The following MMP16 variants were observed in gnomAD, a reference collection of about 807,000 sequenced individuals.
MMP16 encodes the protein matrix metalloproteinase-16.
Under a neutral mutation model 67.8 loss-of-function variants are expected in MMP16, and 12 were observed. That is an observed-to-expected ratio of 0.18 (90% CI 0.11 to 0.29). MMP16 has a LOEUF of 0.29. Among genes scored for constraint, MMP16 ranks in the 10% least tolerant of loss-of-function variants. The probability of loss-of-function intolerance (pLI) is 1.00; values close to 1 mark genes in which losing one functional copy is unlikely to be tolerated. For synonymous variants in MMP16, 249 were observed against 255.9 expected (o/e 0.97, Z 0.26); for missense variants, 475 against 765.7 (o/e 0.62, Z 4.48).
intron 1 of MMP16, among the ~76,000 whole-genome samples, chr8:88,304,626 G>T (rs2130051452): frequency 6.6e-6 from 1 of 152,330 alleles, no homozygotes; most frequent in East Asian, 1.9e-4. Flanking sequence ...AGGCAGAAGA[G>T]ATTGGGGGCC....
chr8:88,200,246 T>TGATA (rs1325030880), intron 1 of MMP16, among the ~76,000 whole-genome samples: 3 of 152,112 alleles, frequency 2.0e-5, no homozygotes, highest in Middle Eastern at 6.8e-3. Context: ...AAGGAAGGTG[T>TGATA]GATACATTTG....
At chr8:88,294,279 C>T (rs1351703866) in intron 1 of MMP16, among the ~76,000 whole-genome samples, 1 of 144,336 alleles carries the variant, frequency 6.9e-6, no homozygotes, top group Non-Finnish European at 1.5e-5. Context: ...TCTATATATA[C>T]ACACACACAT....
At chr8:88,247,057 A>C (rs2129914365) in intron 1 of MMP16, among the ~76,000 whole-genome samples, 1 of 152,264 alleles carries the variant, frequency 6.6e-6, no homozygotes, top group African/African-American at 2.4e-5. Flanking sequence ...TTAGGAAATA[A>C]GAATAACTAA....
At chr8:88,235,977 C>T (rs540397660) in intron 1 of MMP16, among the ~76,000 whole-genome samples, 3 of 152,136 alleles carry the variant, frequency 2.0e-5, no homozygotes, top group African/African-American at 7.2e-5. Context: ...GAACATAACT[C>T]CCAGCACACA....
At chr8:88,112,837 G>T (rs1235892441) in intron 6 of MMP16, among the ~76,000 whole-genome samples, 1 of 151,880 alleles carries the variant, frequency 6.6e-6, no homozygotes. Flanking sequence ...TACGCTGAAA[G>T]TCCTATTATA....
intron 4 of MMP16, among the ~76,000 whole-genome samples, chr8:88,132,362 A>G (rs1351994013): frequency 1.3e-5 from 2 of 151,906 alleles, no homozygotes. Flanking sequence ...AAAGTCAGTG[A>G]TAGTCTTACA....
intron 1 of MMP16, among the ~76,000 whole-genome samples, chr8:88,210,727 G>C (rs963075691): frequency 8.5e-5 from 13 of 152,124 alleles, no homozygotes; most frequent in Non-Finnish European, 1.5e-4. Context: ...TGTTGGGCAA[G>C]CACTTAGAGG....
In MMP16 at chr8:88,185,350, T is replaced by A. The variant is rs552354660; in HGVS notation, c.404+1126A>T. Among the ~76,000 whole-genome samples the A allele has an allele frequency of 5.9e-5, 9 of 152,160 alleles. No homozygotes were observed. In the South Asian group the frequency reaches 1.9e-3, roughly 32 times the overall value. On this transcript the variant is annotated intron_variant, in intron 3 of 9. Transcript: ENST00000286614. The stretch of plus-strand genomic sequence containing the variant: ...GGTGCATGCCTGTAATCTCAGCTAC[T>A]TGGGAGGCTAAGGCAGGAGAATTGC...
At chr8:88,316,519 A>G (rs1387392869) in intron 1 of MMP16, among the ~76,000 whole-genome samples, 1 of 152,200 alleles carries the variant, frequency 6.6e-6, no homozygotes, top group Non-Finnish European at 1.5e-5. Flanking sequence ...ATGACAGCAT[A>G]TCTTTTTACA....
chr8:88,160,101 C>T (rs1808589978), intron 4 of MMP16, among the ~76,000 whole-genome samples: 1 of 151,900 alleles, frequency 6.6e-6, no homozygotes, highest in Admixed American at 6.6e-5. Flanking sequence ...AGGTATATCT[C>T]CTAATGCTAT....
At chr8:88,180,353 CA>C (rs1808960696) in intron 3 of MMP16, among the ~76,000 whole-genome samples, 2 of 148,640 alleles carry the variant, frequency 1.3e-5, no homozygotes, top group South Asian at 4.3e-4. Flanking sequence ...CAAAATTTAA[CA>C]AAAACAGAAA....
intron 1 of MMP16, among the ~76,000 whole-genome samples, chr8:88,229,958 C>G (rs559100152): frequency 6.6e-6 from 1 of 152,072 alleles, no homozygotes; most frequent in African/African-American, 2.4e-5. Flanking sequence ...TGCGTCTTTC[C>G]TCCATGTATA....
intron 1 of MMP16, among the ~76,000 whole-genome samples, chr8:88,316,855 C>G (rs895630345): frequency 6.6e-6 from 1 of 152,114 alleles, no homozygotes; most frequent in African/African-American, 2.4e-5. Flanking sequence ...CTAGATGCCA[C>G]TAAGCATCCT....
At chr8:88,093,740 T>G (rs1342628493) in intron 6 of MMP16, among the ~76,000 whole-genome samples, 2 of 151,896 alleles carry the variant, frequency 1.3e-5, no homozygotes, top group African/African-American at 4.8e-5. Flanking sequence ...ATTTTAGGCT[T>G]TACTTAGGTA....
intron 1 of MMP16, among the ~76,000 whole-genome samples, chr8:88,308,132 A>C (rs1811238896): frequency 6.6e-6 from 1 of 152,132 alleles, no homozygotes; most frequent in Non-Finnish European, 1.5e-5. Flanking sequence ...CATTGAAAAC[A>C]TCATAAATGC....
chr8:88,127,357 A>G (rs532762156), intron 4 of MMP16, among the ~76,000 whole-genome samples: 1 of 152,024 alleles, frequency 6.6e-6, no homozygotes, highest in African/African-American at 2.4e-5. Context: ...TGGCAAAGAA[A>G]GCAGTTAGAA....
intron 2 of MMP16, among the ~76,000 whole-genome samples, chr8:88,192,191 C>T (rs1379025252): frequency 2.6e-5 from 4 of 152,000 alleles, no homozygotes; most frequent in African/African-American, 4.8e-5. Context: ...GAGTCAAGTC[C>T]AGTTGCCATG....
At chr8:88,165,248 T>G (rs1808693720) in intron 4 of MMP16, among the ~76,000 whole-genome samples, 1 of 149,334 alleles carries the variant, frequency 6.7e-6, no homozygotes. Context: ...AAAGAATCCA[T>G]GCAACCTTCT....
At chr8:88,138,422 T>C (rs1489553605) in intron 4 of MMP16, among the ~76,000 whole-genome samples, 2 of 152,078 alleles carry the variant, frequency 1.3e-5, no homozygotes, top group Non-Finnish European at 2.9e-5. Flanking sequence ...AAGACTATTT[T>C]GTGTTTCAGT....
Sources: allele counts gnomAD v4.1 joint callset (sites outside exome capture counted in the v4.1 genomes callset), GRCh38; gene constraint gnomAD v4.1.1; transcripts MANE v1.5; gene names NCBI Gene and HGNC (gene_info 2026-07-23, HGNC 2026-07-21).